Variants in GPC5 observed in about 807,000 individuals in gnomAD.
The protein encoded by GPC5 is glypican 5, also known as glypican-5.
Under a neutral mutation model 53.9 loss-of-function variants are expected in GPC5, and 47 were observed. That is an observed-to-expected ratio of 0.87 (90% CI 0.69 to 1.11). The LOEUF is 1.11. Ranked by LOEUF, GPC5 falls within the 50% of genes most tolerant of loss-of-function variation. The pLI, the probability that GPC5 is intolerant of heterozygous loss-of-function variation, is 0.00. For synonymous variants in GPC5, 286 were observed against 263.3 expected (o/e 1.09, Z -0.84); for missense variants, 748 against 713.1 (o/e 1.05, Z -0.56).
intron 7 of GPC5, among the ~76,000 whole-genome samples, chr13:92,445,023 T>G (rs1877741005): frequency 6.6e-6 from 1 of 152,256 alleles, no homozygotes; most frequent in East Asian, 1.9e-4. Context: ...TATAAAATTA[T>G]GTATAATCAA....
chr13:91,469,119 C>G (rs1465939512), intron 2 of GPC5, among the ~76,000 whole-genome samples: 1 of 151,454 alleles, frequency 6.6e-6, no homozygotes, highest in African/African-American at 2.4e-5. Context: ...CCTTTTCTTT[C>G]TTTTTTTGAG....
chr13:92,536,569 G>A (rs1594285752), intron 7 of GPC5, among the ~76,000 whole-genome samples: 1 of 151,966 alleles, frequency 6.6e-6, no homozygotes, highest in South Asian at 2.1e-4. Flanking sequence ...CCAGCCTGAG[G>A]GAAAAACAAA....
intron 7 of GPC5, among the ~76,000 whole-genome samples, chr13:92,414,010 G>A (rs1876169937): frequency 6.6e-6 from 1 of 152,070 alleles, no homozygotes; most frequent in African/African-American, 2.4e-5. Flanking sequence ...GGAGTTATAA[G>A]TTAAATCAAA....
At chr13:92,171,362 A>G (rs987972732) in intron 7 of GPC5, among the ~76,000 whole-genome samples, 7 of 151,912 alleles carry the variant, frequency 4.6e-5, no homozygotes, top group Non-Finnish European at 5.9e-5. Flanking sequence ...TGAAAAGTCA[A>G]TAAATATACT....
At chr13:91,614,355 TCTCA>T (rs1650539072) in intron 2 of GPC5, among the ~76,000 whole-genome samples, 10 of 152,156 alleles carry the variant, frequency 6.6e-5, no homozygotes, top group Admixed American at 6.5e-4. Flanking sequence ...TGAGACAAGG[TCTCA>T]CTCTGTCACC....
At chr13:91,454,498 T>C (rs1881402239) in intron 2 of GPC5, among the ~76,000 whole-genome samples, 2 of 152,208 alleles carry the variant, frequency 1.3e-5, no homozygotes, top group Admixed American at 6.5e-5. Flanking sequence ...AAATACACTT[T>C]CAGTTAAATC....
intron 7 of GPC5, among the ~76,000 whole-genome samples, chr13:92,796,768 A>G (rs1876699787): frequency 6.6e-6 from 1 of 151,696 alleles, no homozygotes. Flanking sequence ...AATTATTTGT[A>G]TTTTTTTATT....
chr13:92,684,791 G>T (rs1157507670), intron 7 of GPC5, among the ~76,000 whole-genome samples: 2 of 152,156 alleles, frequency 1.3e-5, no homozygotes, highest in Non-Finnish European at 2.9e-5. Context: ...CTAAGAGTGT[G>T]CTTAGTGTCA....
At chr13:92,372,452 T>A (rs1226998827) in intron 7 of GPC5, among the ~76,000 whole-genome samples, 1 of 152,214 alleles carries the variant, frequency 6.6e-6, no homozygotes, top group African/African-American at 2.4e-5. Flanking sequence ...CCAAGCTTTT[T>A]ATACTCTTTT....
chr13:91,650,750 G>GTTTTTTTTTT (rs67507888), intron 2 of GPC5, among the ~76,000 whole-genome samples: 31 of 99,588 alleles, frequency 3.1e-4, no homozygotes, highest in African/African-American at 9.3e-4. Flanking sequence ...ATTCCCATAA[G>GTTTTTTTTTT]TTTTTTTTTT....
intron 2 of GPC5, among the ~76,000 whole-genome samples, chr13:91,686,517 A>AATGAT: frequency 6.6e-6 from 1 of 152,172 alleles, no homozygotes; most frequent in Non-Finnish European, 1.5e-5. Context: ...GGAAATATGC[A>AATGAT]AATACAAGGG....
chr13:92,527,182 G>GAAGAAAGAAAGAAAGA (rs1168907594), intron 7 of GPC5, among the ~76,000 whole-genome samples: 3 of 45,100 alleles, frequency 6.7e-5, no homozygotes, highest in Admixed American at 2.9e-4. Context: ...GAGAAAGAAA[G>GAAGAAAGAAAGAAAGA]AAGAAAGAAA....
chr13:91,635,409 A>G (rs1177141246), intron 2 of GPC5, among the ~76,000 whole-genome samples: 1 of 152,066 alleles, frequency 6.6e-6, no homozygotes, highest in Non-Finnish European at 1.5e-5. Context: ...TTTCAAATTA[A>G]TGTAAATACC....
At chr13:92,813,273 A>G (rs1372236139) in intron 7 of GPC5, among the ~76,000 whole-genome samples, 23 of 152,064 alleles carry the variant, frequency 1.5e-4, no homozygotes, top group Admixed American at 1.4e-3. Context: ...GGTCATTTTA[A>G]GTAAGGCCAC....
chr13:92,056,186 T>C (rs967469430), intron 6 of GPC5, among the ~76,000 whole-genome samples: 2 of 152,296 alleles, frequency 1.3e-5, no homozygotes, highest in African/African-American at 4.8e-5. Context: ...CTCCAGAATC[T>C]CTTCCCTGCC....
At chr13:92,850,165 A>G (rs1475247262) in intron 7 of GPC5, among the ~76,000 whole-genome samples, 1 of 152,218 alleles carries the variant, frequency 6.6e-6, no homozygotes, top group East Asian at 1.9e-4. Context: ...AATTGGAAGA[A>G]GAGATAGCAA....
At chr13:91,446,886 A>G (rs1190008718) in intron 1 of GPC5, among the ~76,000 whole-genome samples, 2 of 152,238 alleles carry the variant, frequency 1.3e-5, no homozygotes, top group Non-Finnish European at 1.5e-5. Context: ...GGTTTGCTGC[A>G]TGCGCGCATG....
rs1491229146 is a variant in GPC5, at chr13:92,381,909, G to GATATATATATCATATATATCATATATATC, written c.1561+236929_1561+236930insTCATATATATCATATATATCATATATATA. ...ATATATTATATATAATCATATATATGATATATATAATCATATATATGATTA... is the reference window on the plus strand; with the variant it reads ...ATATATTATATATAATCATATATATGATATATATATCATATATATCATATATATCATATATATAATCATATATATGATTA... On this transcript the variant is annotated intron_variant, in intron 7 of 7. Coordinates refer to ENST00000377067, the MANE Select transcript of GPC5 (RefSeq NM_004466.6). 2.1e-3 allele frequency among the ~76,000 whole-genome samples: 261 copies of GATATATATATCATATATATCATATATATC among 122,104 alleles called. 3 individuals are homozygous for GATATATATATCATATATATCATATATATC. The highest frequency in any genetic ancestry group is 3.2e-3 in the Non-Finnish European group (189 of 59,768). The allele number at this position is 122,104 out of a possible 152,430, so 80.1% of individuals were successfully genotyped here. A position where few individuals can be genotyped will look rare whatever the true frequency, so the allele number is the denominator to read the frequency against.
rs560799386 is a variant in GPC5, at chr13:91,413,804, G to A, written c.163+14595G>A. On this transcript the variant is annotated intron_variant, in intron 1 of 7. Coordinates refer to ENST00000377067, the MANE Select transcript of GPC5 (RefSeq NM_004466.6). ...TTTTAACTTTGCGTGCTCTTTCTCC[G>A]CATTTGGAAGAGTCTGTTTTTGCTC... Among the ~76,000 whole-genome samples the A allele has an allele frequency of 3.9e-5, 6 of 152,018 alleles. No individual in the cohort carries two copies. In the East Asian group the frequency reaches 7.7e-4, roughly 20 times the overall value.
Sources: gnomAD v4.1 joint callset for allele counts (sites outside exome capture counted in the v4.1 genomes callset) on GRCh38, gnomAD v4.1.1 for gene constraint, MANE v1.5 for transcripts, NCBI Gene and HGNC (gene_info 2026-07-23, HGNC 2026-07-21) for gene names.